KLF12: variants seen among roughly 807,000 people sequenced by gnomAD.
KLF12 encodes Krueppel-like factor 12.
In KLF12, 9 loss-of-function variants were observed where a neutral mutation model predicts 37.8. The observed-to-expected ratio is 0.24, with a 90% CI of 0.14 to 0.42. KLF12 has a LOEUF of 0.42. Among genes scored for constraint, KLF12 ranks in the 10% least tolerant of loss-of-function variants. The pLI is 1.00. For synonymous variants in KLF12, 208 were observed against 202.1 expected (o/e 1.03, Z -0.25); for missense variants, 411 against 516.0 (o/e 0.80, Z 1.97).
Position 73,764,098 on chromosome 13 carries a change from A to G in KLF12, c.869+840T>C, listed in dbSNP as rs146089073. 8.9e-4 allele frequency among the ~76,000 whole-genome samples: 135 copies of G among 152,316 alleles called. 1 individual carries two copies. In the East Asian group the frequency reaches 0.021, roughly 24 times the overall value. The stretch of plus-strand genomic sequence containing the variant: ...TTGGTGATCATCTTCCCATACTTAA[A>G]AAAAGGCATAGTTTTAATCAAAATC... On this transcript the variant is annotated intron_variant, in intron 6 of 7. Coordinates refer to ENST00000377669, the MANE Select transcript of KLF12 (RefSeq NM_007249.5).
At chr13:74,188,653 AC>A in the KLF12 span, among the ~76,000 whole-genome samples, 1 of 152,060 alleles carries the variant, frequency 6.6e-6, no homozygotes, top group Admixed American at 6.6e-5. Context: ...CTCTAAACTA[AC>A]ATTTTAAATA....
intron 5 of KLF12, among the ~76,000 whole-genome samples, chr13:73,804,072 C>T (rs529192205): frequency 1.3e-5 from 2 of 152,152 alleles, no homozygotes; most frequent in African/African-American, 4.8e-5. Context: ...TCCTGACCTA[C>T]CTCTCCAAGC....
intron 3 of KLF12, among the ~76,000 whole-genome samples, chr13:73,917,471 C>T (rs977146952): frequency 2.0e-5 from 3 of 152,180 alleles, no homozygotes; most frequent in Non-Finnish European, 4.4e-5. Context: ...CCCGCCCATA[C>T]TGCTTATGAC....
the KLF12 span, among the ~76,000 whole-genome samples, chr13:74,161,411 T>G: frequency 6.6e-6 from 1 of 152,026 alleles, no homozygotes; most frequent in Non-Finnish European, 1.5e-5. Flanking sequence ...GAGGGAGATT[T>G]GGACACATAC....
chr13:73,921,806 C>T (rs1300701228), intron 3 of KLF12, among the ~76,000 whole-genome samples: 1 of 152,164 alleles, frequency 6.6e-6, no homozygotes, highest in Non-Finnish European at 1.5e-5. Context: ...GTGTCTTTTG[C>T]AGTTATCTGC....
At chr13:74,024,535 A>G (rs1892923510) in intron 1 of KLF12, among the ~76,000 whole-genome samples, 1 of 152,242 alleles carries the variant, frequency 6.6e-6, no homozygotes, top group African/African-American at 2.4e-5. Context: ...GAGGGCAGGC[A>G]TGCACACACA....
At chr13:74,122,429 G>A (rs890078570) in intron 1 of KLF12, among the ~76,000 whole-genome samples, 12 of 152,058 alleles carry the variant, frequency 7.9e-5, no homozygotes, top group Non-Finnish European at 1.5e-4. Flanking sequence ...TGGTGATTGG[G>A]GAGAGCGTAT....
the KLF12 span, among the ~76,000 whole-genome samples, chr13:74,262,323 C>T: frequency 2.0e-5 from 3 of 152,278 alleles, no homozygotes; most frequent in South Asian, 4.1e-4. Flanking sequence ...CTGGAAGAAC[C>T]TGTAGCCTGA....
intron 5 of KLF12, among the ~76,000 whole-genome samples, chr13:73,786,649 G>A (rs1436226265): frequency 6.6e-6 from 1 of 151,772 alleles, no homozygotes; most frequent in East Asian, 1.9e-4. Flanking sequence ...TTGGGAGGCC[G>A]AGGTGGGAGG....
chr13:74,198,359 C>T, the KLF12 span, among the ~76,000 whole-genome samples: 3 of 152,116 alleles, frequency 2.0e-5, no homozygotes, highest in Non-Finnish European at 4.4e-5. Context: ...GATTTTTCTT[C>T]CCTTCCTGGG....
intron 7 of KLF12, among the ~76,000 whole-genome samples, chr13:73,706,590 A>G (rs1443378253): frequency 6.6e-6 from 1 of 152,142 alleles, no homozygotes; most frequent in South Asian, 2.1e-4. Context: ...TACCAATCCA[A>G]ATTTTTTGTT....
At chr13:74,107,138 T>C (rs1278567430) in intron 1 of KLF12, among the ~76,000 whole-genome samples, 1 of 152,178 alleles carries the variant, frequency 6.6e-6, no homozygotes, top group Non-Finnish European at 1.5e-5. Flanking sequence ...CCTTGAATTA[T>C]TTTATAAGGG....
intron 2 of KLF12, among the ~76,000 whole-genome samples, chr13:73,980,065 A>T (rs1375657305): frequency 2.6e-5 from 4 of 152,184 alleles, no homozygotes; most frequent in African/African-American, 9.7e-5. Context: ...AATGTGAGAA[A>T]ATAAATTTCG....
At chr13:73,838,713 T>C (rs567992782) in intron 4 of KLF12, among the ~76,000 whole-genome samples, 2 of 152,322 alleles carry the variant, frequency 1.3e-5, no homozygotes, top group East Asian at 3.9e-4. Context: ...TGTGGGATGG[T>C]AGGAAACCAG....
the KLF12 span, among the ~76,000 whole-genome samples, chr13:74,156,023 C>T: frequency 2.0e-5 from 3 of 152,280 alleles, no homozygotes; most frequent in African/African-American, 7.2e-5. Context: ...GTTGGTTGTG[C>T]CACTTCTATG....
chr13:74,303,280 A>G, the KLF12 span, among the ~76,000 whole-genome samples: 758 of 152,254 alleles, frequency 5.0e-3, 15 homozygotes, highest in African/African-American at 0.017. Flanking sequence ...AGTTGCCCCA[A>G]GAACCTTCAC....
chr13:73,757,091 A>C (rs1879221250), intron 6 of KLF12, among the ~76,000 whole-genome samples: 1 of 152,200 alleles, frequency 6.6e-6, no homozygotes, highest in Non-Finnish European at 1.5e-5. Flanking sequence ...GACTTCACCT[A>C]CACAATCCTA....
intron 1 of KLF12, among the ~76,000 whole-genome samples, chr13:74,132,934 G>C (rs535017619): frequency 7.9e-5 from 12 of 152,314 alleles, no homozygotes; most frequent in African/African-American, 2.6e-4. Context: ...TGTCGCGGAG[G>C]TCAAGTCTGA....
the KLF12 span, among the ~76,000 whole-genome samples, chr13:74,175,200 G>A: frequency 6.6e-6 from 1 of 152,194 alleles, no homozygotes; most frequent in African/African-American, 2.4e-5. Context: ...TGTTGGCTGA[G>A]CCTAGGTCTT....
Sources: allele counts gnomAD v4.1 joint callset (sites outside exome capture counted in the v4.1 genomes callset), GRCh38; gene constraint gnomAD v4.1.1; transcripts MANE v1.5; gene names NCBI Gene and HGNC (gene_info 2026-07-23, HGNC 2026-07-21).